Variants in CFAP210 observed in about 807,000 individuals in gnomAD.
The protein encoded by CFAP210 is cilia and flagella associated protein 210, also known as cilia- and flagella- associated protein 210.
chr2:169,680,510 C>T, the CFAP210 span, among the ~76,000 whole-genome samples: 9 of 152,180 alleles, frequency 5.9e-5, no homozygotes, highest in Non-Finnish European at 7.4e-5. Context: ...CAAATGTCAA[C>T]GTTTCATTGA....
At chr2:169,681,674 C>G in the CFAP210 span, among the ~76,000 whole-genome samples, 1 of 152,208 alleles carries the variant, frequency 6.6e-6, no homozygotes, top group Non-Finnish European at 1.5e-5. Context: ...CACTGAGCAG[C>G]AGCAACATAA....
the CFAP210 span, chr2:169,658,924 G>C: frequency 5.9e-6 from 1 of 169,272 alleles, no homozygotes; most frequent in Non-Finnish European, 1.3e-5. Context: ...TCAGGAGTTG[G>C]AGACCAGCCT....
chr2:169,666,254 A>G, the CFAP210 span, among the ~76,000 whole-genome samples: 727 of 151,956 alleles, frequency 4.8e-3, 4 homozygotes, highest in African/African-American at 0.017. Flanking sequence ...TAGACCTCTC[A>G]TTCATTTACC....
At chr2:169,672,016 C>T in the CFAP210 span, among the ~76,000 whole-genome samples, 5 of 152,176 alleles carry the variant, frequency 3.3e-5, no homozygotes, top group South Asian at 8.3e-4. Flanking sequence ...CAGGTTAATA[C>T]CAGTGCTACT....
the CFAP210 span, among the ~76,000 whole-genome samples, chr2:169,659,634 T>C: frequency 4.6e-5 from 7 of 152,270 alleles, no homozygotes; most frequent in Non-Finnish European, 8.8e-5. Flanking sequence ...GGATCACAAT[T>C]CAACAAGGGA....
the CFAP210 span, chr2:169,649,212 T>C: frequency 1.2e-6 from 2 of 1,613,042 alleles, no homozygotes; most frequent in Non-Finnish European, 1.7e-6. Context: ...CTTGAACCTC[T>C]TGATGTTCTT....
At chr2:169,649,317 T>C in the CFAP210 span, 1 of 1,612,200 alleles carries the variant, frequency 6.2e-7, no homozygotes, top group African/African-American at 1.3e-5. Flanking sequence ...CTATTTTTCT[T>C]TGTCTTTCTT....
chr2:169,650,488 G>A, the CFAP210 span: 1 of 1,582,624 alleles, frequency 6.3e-7, no homozygotes, highest in Non-Finnish European at 8.6e-7. Context: ...CACTCAGGAA[G>A]TTATGTATTC....
At chr2:169,688,998 G>T in the CFAP210 span, among the ~76,000 whole-genome samples, 1 of 152,210 alleles carries the variant, frequency 6.6e-6, no homozygotes, top group African/African-American at 2.4e-5. Context: ...GGCTGGGGAG[G>T]CCTCAGAATC....
chr2:169,651,116 AC>A, the CFAP210 span, among the ~76,000 whole-genome samples: 16 of 150,940 alleles, frequency 1.1e-4, no homozygotes, highest in Non-Finnish European at 2.4e-4. Context: ...AATCCCAGCT[AC>A]TCAGGAGGCT....
At chr2:169,663,602 G>A in the CFAP210 span, among the ~76,000 whole-genome samples, 1 of 151,996 alleles carries the variant, frequency 6.6e-6, no homozygotes, top group Non-Finnish European at 1.5e-5. Context: ...TGCCATGGAG[G>A]ACTGTACAGT....
chr2:169,656,349 A>C, the CFAP210 span, among the ~76,000 whole-genome samples: 5 of 128,648 alleles, frequency 3.9e-5, no homozygotes, highest in East Asian at 1.0e-3. Context: ...GAAGAGAGGA[A>C]GAGGAGGAAA....
chr2:169,685,126 T>C, the CFAP210 span, among the ~76,000 whole-genome samples: 1 of 152,274 alleles, frequency 6.6e-6, no homozygotes, highest in African/African-American at 2.4e-5. Context: ...TTCATTATCT[T>C]TGGTATATGC....
the CFAP210 span, among the ~76,000 whole-genome samples, chr2:169,655,974 T>C: frequency 3.9e-5 from 6 of 152,228 alleles, no homozygotes; most frequent in Non-Finnish European, 4.4e-5. Context: ...AGAAATATGC[T>C]CAGCTGAAAG....
the CFAP210 span, chr2:169,649,161 T>C: frequency 6.4e-7 from 1 of 1,565,092 alleles, no homozygotes; most frequent in Non-Finnish European, 8.7e-7. Flanking sequence ...AACATAATTA[T>C]AAACATTCAG....
the CFAP210 span, among the ~76,000 whole-genome samples, chr2:169,687,729 C>T: frequency 6.6e-6 from 1 of 152,178 alleles, no homozygotes; most frequent in Non-Finnish European, 1.5e-5. Flanking sequence ...ATCCACCATG[C>T]TGGGGTCTGA....
At chr2:169,649,316 T>C in the CFAP210 span, 1 of 1,612,196 alleles carries the variant, frequency 6.2e-7, no homozygotes, top group African/African-American at 1.3e-5. Context: ...TCTATTTTTC[T>C]TTGTCTTTCT....
At chr2:169,670,423 G>A in the CFAP210 span, among the ~76,000 whole-genome samples, 17 of 152,278 alleles carry the variant, frequency 1.1e-4, 1 homozygote, top group South Asian at 3.5e-3. Flanking sequence ...CAGGCACAGG[G>A]CCAGCAGCTG....
the CFAP210 span, among the ~76,000 whole-genome samples, chr2:169,689,553 T>A: frequency 6.6e-6 from 1 of 152,236 alleles, no homozygotes; most frequent in Non-Finnish European, 1.5e-5. Flanking sequence ...TCATGTCATC[T>A]GTGAATATAG....
Sources: gnomAD v4.1 joint callset for allele counts (sites outside exome capture counted in the v4.1 genomes callset) on GRCh38, gnomAD v4.1.1 for gene constraint, MANE v1.5 for transcripts, NCBI Gene and HGNC (gene_info 2026-07-23, HGNC 2026-07-21) for gene names.